NRXN1: variants seen among roughly 807,000 people sequenced by gnomAD.
The protein encoded by NRXN1 is neurexin 1, also known as neurexin-1.
Under a neutral mutation model 150.9 loss-of-function variants are expected in NRXN1, and 39 were observed. The ratio of observed to expected loss-of-function variants is 0.26; its 90% CI spans 0.20 to 0.34. NRXN1 has a LOEUF of 0.34. Among genes scored for constraint, NRXN1 ranks in the 10% least tolerant of loss-of-function variants. The pLI, the probability that NRXN1 is intolerant of heterozygous loss-of-function variation, is 1.00. For missense variants in NRXN1, 1,815 were observed against 1,949.9 expected (o/e 0.93, Z 1.30); for synonymous variants, 924 against 757.0 (o/e 1.22, Z -3.62).
At chr2:50,855,745 A>T (rs1408749117) in intron 5 of NRXN1, among the ~76,000 whole-genome samples, 2 of 152,086 alleles carry the variant, frequency 1.3e-5, no homozygotes, top group Non-Finnish European at 2.9e-5. Flanking sequence ...AGAGGAAAGG[A>T]CAAACATTCA....
intron 17 of NRXN1, among the ~76,000 whole-genome samples, chr2:50,373,569 G>C (rs2080195685): frequency 6.7e-6 from 1 of 148,278 alleles, no homozygotes; most frequent in Non-Finnish European, 1.5e-5. Flanking sequence ...TTTTTATAGA[G>C]AGCCCTGAAT....
At chr2:50,002,714 C>T (rs1021765378) in intron 21 of NRXN1, among the ~76,000 whole-genome samples, 1 of 152,012 alleles carries the variant, frequency 6.6e-6, no homozygotes, top group African/African-American at 2.4e-5. Context: ...GTCCGCCATT[C>T]CCGAGAAATA....
intron 18 of NRXN1, among the ~76,000 whole-genome samples, chr2:50,158,475 A>G: frequency 6.6e-6 from 1 of 152,062 alleles, no homozygotes; most frequent in Non-Finnish European, 1.5e-5. Flanking sequence ...ACACAACTGG[A>G]AAAGGAAAAA....
intron 5 of NRXN1, among the ~76,000 whole-genome samples, chr2:50,690,708 T>C (rs1261497949): frequency 6.6e-6 from 1 of 152,216 alleles, no homozygotes; most frequent in East Asian, 1.9e-4. Context: ...TGTCATCTTG[T>C]AGCACAGACC....
At chr2:50,546,242 C>A (rs1282364020) in intron 9 of NRXN1, among the ~76,000 whole-genome samples, 1 of 152,126 alleles carries the variant, frequency 6.6e-6, no homozygotes, top group Non-Finnish European at 1.5e-5. Flanking sequence ...AGGCTTGACA[C>A]CCTTATCTCA....
At chr2:50,686,950 AG>A in intron 5 of NRXN1, among the ~76,000 whole-genome samples, 1 of 152,316 alleles carries the variant, frequency 6.6e-6, no homozygotes, top group East Asian at 1.9e-4. Flanking sequence ...TTATGTTGGG[AG>A]GAAGATGCAA....
At chr2:49,980,202 A>C (rs1264075716) in intron 21 of NRXN1, among the ~76,000 whole-genome samples, 1 of 152,164 alleles carries the variant, frequency 6.6e-6, no homozygotes, top group Non-Finnish European at 1.5e-5. Flanking sequence ...TTGTTGTTAA[A>C]GTTTATTATG....
intron 2 of NRXN1, 70 bp from the exon 3 acceptor site, chr2:50,926,025 G>T: frequency 8.1e-7 from 1 of 1,229,966 alleles, no homozygotes; most frequent in Non-Finnish European, 1.2e-6. Context: ...ACTGGACCTT[G>T]CCTTTGCATG....
intron 17 of NRXN1, among the ~76,000 whole-genome samples, chr2:50,258,685 T>C (rs993247774): frequency 6.6e-5 from 10 of 152,202 alleles, no homozygotes; most frequent in African/African-American, 2.2e-4. Context: ...GTTTTCAATG[T>C]ACTTTGTCTA....
intron 2 of NRXN1, among the ~76,000 whole-genome samples, chr2:50,953,655 C>A (rs971063039): frequency 6.6e-6 from 1 of 151,708 alleles, no homozygotes; most frequent in Non-Finnish European, 1.5e-5. Flanking sequence ...CGCTGCCTCC[C>A]AGGTTCAAGC....
At chr2:50,597,000 ACG>A (rs1675343557) in intron 8 of NRXN1, among the ~76,000 whole-genome samples, 1 of 150,950 alleles carries the variant, frequency 6.6e-6, no homozygotes, top group Non-Finnish European at 1.5e-5. Context: ...CAACAGGCAC[ACG>A]CCACCATCCA....
At chr2:50,932,932 A>G (rs758261270) in intron 2 of NRXN1, among the ~76,000 whole-genome samples, 2 of 152,108 alleles carry the variant, frequency 1.3e-5, no homozygotes, top group Admixed American at 1.3e-4. Flanking sequence ...TTGATTCTAT[A>G]AAGTCTAAGA....
intron 2 of NRXN1, among the ~76,000 whole-genome samples, chr2:50,950,878 AG>A (rs1324065438): frequency 2.0e-5 from 3 of 152,234 alleles, no homozygotes; most frequent in African/African-American, 7.2e-5. Context: ...ACAGAGTCTC[AG>A]AAATATTAAA....
At chr2:50,694,207 A>G (rs1296307246) in intron 5 of NRXN1, among the ~76,000 whole-genome samples, 1 of 152,202 alleles carries the variant, frequency 6.6e-6, no homozygotes, top group Non-Finnish European at 1.5e-5. Flanking sequence ...TGTTACTTGA[A>G]TATAATTAAA....
At chr2:50,166,370 C>T (rs1024857499) in intron 18 of NRXN1, among the ~76,000 whole-genome samples, 1 of 150,516 alleles carries the variant, frequency 6.6e-6, no homozygotes, top group Non-Finnish European at 1.5e-5. Flanking sequence ...ACTAAGAATG[C>T]CCTCCAGCTG....
chr2:50,818,809 T>C (rs749729559), intron 5 of NRXN1, among the ~76,000 whole-genome samples: 1 of 152,104 alleles, frequency 6.6e-6, no homozygotes. Flanking sequence ...AAAAACTCCA[T>C]AACTCAATGG....
At chr2:51,004,631 A>C (rs781508951) in intron 2 of NRXN1, among the ~76,000 whole-genome samples, 5 of 151,748 alleles carry the variant, frequency 3.3e-5, no homozygotes, top group Non-Finnish European at 7.4e-5. Flanking sequence ...CGACACACCA[A>C]GACTCCGTCT....
At chr2:50,495,036 A>C (rs1445515338) in intron 15 of NRXN1, among the ~76,000 whole-genome samples, 1 of 151,618 alleles carries the variant, frequency 6.6e-6, no homozygotes. Flanking sequence ...GTCTCCAAAA[A>C]AAAAAAAAAA....
chr2:50,744,759 T>C (rs1396624619), intron 5 of NRXN1, among the ~76,000 whole-genome samples: 2 of 152,162 alleles, frequency 1.3e-5, no homozygotes, highest in Non-Finnish European at 2.9e-5. Context: ...AATAAGATTA[T>C]GGTTACATGA....
Sources: gnomAD v4.1 joint callset for allele counts (sites outside exome capture counted in the v4.1 genomes callset) on GRCh38, gnomAD v4.1.1 for gene constraint, MANE v1.5 for transcripts, NCBI Gene and HGNC (gene_info 2026-07-23, HGNC 2026-07-21) for gene names.